Variants in AIDA observed in about 807,000 individuals in gnomAD.
The protein encoded by AIDA is axin interactor, dorsalization associated.
In AIDA, 18 loss-of-function variants were observed where a neutral mutation model predicts 42.7. That is an observed-to-expected ratio of 0.42 (90% confidence interval 0.29 to 0.63). AIDA has a LOEUF of 0.63. AIDA is among the 20% of genes least tolerant of loss of function. AIDA has a pLI of 0.19. For missense variants in AIDA, 250 were observed against 354.1 expected, an observed-to-expected ratio of 0.71 and a Z score of 2.36; for synonymous variants, 104 against 122.9, an observed-to-expected ratio of 0.85 and a Z score of 1.02.
chr1:222,672,261 GC>G (rs1384833048), intron 8 of AIDA, among the ~76,000 whole-genome samples: 3 of 152,040 alleles, frequency 2.0e-5, no homozygotes, highest in African/African-American at 7.2e-5. Context: ...AGAAAAGTTA[GC>G]CCATGAAACA....
chr1:222,680,775 T>C (rs1398599092), intron 6 of AIDA, among the ~76,000 whole-genome samples: 2 of 152,120 alleles, frequency 1.3e-5, no homozygotes, highest in Non-Finnish European at 2.9e-5. Context: ...AAGCTTTTTT[T>C]TTTTCTAAAG....
intron 1 of AIDA, among the ~76,000 whole-genome samples, chr1:222,706,079 C>G (rs906303075): frequency 6.6e-6 from 1 of 152,082 alleles, no homozygotes; most frequent in African/African-American, 2.4e-5. Context: ...AAAAGACACT[C>G]AACTTTATTA....
intron 2 of AIDA, among the ~76,000 whole-genome samples, chr1:222,699,609 C>G (rs1655626220): frequency 6.6e-6 from 1 of 152,004 alleles, no homozygotes; most frequent in East Asian, 1.9e-4. Context: ...TTTTCAGAAC[C>G]AATGTTCCCC....
chr1:222,696,271 T>C (rs989881126), intron 2 of AIDA, among the ~76,000 whole-genome samples: 1 of 152,242 alleles, frequency 6.6e-6, no homozygotes, highest in African/African-American at 2.4e-5. Flanking sequence ...CTTTTCTACG[T>C]AGAATCCAAT....
chr1:222,684,581 C>T (rs563883437), intron 6 of AIDA, among the ~76,000 whole-genome samples: 4 of 152,224 alleles, frequency 2.6e-5, no homozygotes, highest in African/African-American at 9.6e-5. Flanking sequence ...TTTAATAACA[C>T]AGGCCCTGAA....
rs76232264 is a variant in AIDA, at chr1:222,711,738, G to A, written c.110+470C>T. ...CGCAAACAGTTCCCTCCTTTCCTAC[G>A]CATGGAAGAAGGAAGACACACACAG... On this transcript the variant is annotated intron_variant, in intron 1 of 9. Transcript: ENST00000340020. 232 of 154,718 alleles carry A rather than the reference G, an allele frequency of 1.5e-3. 6 individuals are homozygous for A. The South Asian group carries it at 0.019, about 13-fold the overall frequency. 9.6% of individuals were successfully genotyped at this position (154,718 alleles called of 1,614,324 possible). A position where few individuals can be genotyped will look rare whatever the true frequency, so the allele number is the denominator to read the frequency against.
At chr1:222,684,847 T>C (rs1193417727) in intron 6 of AIDA, among the ~76,000 whole-genome samples, 1 of 152,192 alleles carries the variant, frequency 6.6e-6, no homozygotes, top group Non-Finnish European at 1.5e-5. Context: ...ACTTCATGAT[T>C]TACATCATCT....
At chr1:222,692,575 GC>G (rs1411700115) in intron 4 of AIDA, among the ~76,000 whole-genome samples, 3 of 152,128 alleles carry the variant, frequency 2.0e-5, no homozygotes, top group African/African-American at 7.2e-5. Flanking sequence ...AATTTGCCAT[GC>G]CCATATTACA....
At chr1:222,685,729 A>C (rs1337827006) in intron 6 of AIDA, among the ~76,000 whole-genome samples, 2 of 152,182 alleles carry the variant, frequency 1.3e-5, no homozygotes, top group African/African-American at 4.8e-5. Flanking sequence ...GAGGGAAGAT[A>C]CTCATGGAGA....
intron 2 of AIDA, 131 bp from the exon 3 acceptor site, chr1:222,694,394 T>C (rs1655459049): frequency 2.5e-6 from 2 of 791,310 alleles, no homozygotes; most frequent in African/African-American, 1.8e-5. Context: ...CTTTCTAGCA[T>C]CTTTCAGACT....
At position 222,680,966 on chromosome 1, in the gene AIDA, A is replaced by G. The variant is rs913731651; in HGVS notation, c.461-4748T>C. Among the ~76,000 whole-genome samples, 7 of 152,284 alleles carry G rather than the reference A, an allele frequency of 4.6e-5. No individual in the cohort carries two copies. The East Asian group carries it at 5.8e-4, about 13-fold the overall frequency. On this transcript the variant is annotated intron_variant, in intron 6 of 9. Transcript: ENST00000340020. ...AAAGGCTCTATTCCCAAACCGCGCA[A>G]TAAGTGGACACAAGAGATGACTTTT...
chr1:222,704,152 A>T (rs1461938531), intron 1 of AIDA, among the ~76,000 whole-genome samples: 1 of 152,174 alleles, frequency 6.6e-6, no homozygotes, highest in Non-Finnish European at 1.5e-5. Flanking sequence ...CTGCATCCTT[A>T]TGGGGGAAAG....
intron 2 of AIDA, among the ~76,000 whole-genome samples, chr1:222,701,697 GA>G (rs201712880): frequency 5.0e-4 from 75 of 151,200 alleles, no homozygotes; most frequent in Admixed American, 1.3e-3. Flanking sequence ...GAGCTACTAA[GA>G]AAAAAAAATA....
chr1:222,703,802 G>A (rs1002637087), intron 1 of AIDA, among the ~76,000 whole-genome samples: 1 of 152,090 alleles, frequency 6.6e-6, no homozygotes, highest in Non-Finnish European at 1.5e-5. Flanking sequence ...ATAACAGCTA[G>A]GCCTTGCATG....
At chr1:222,694,114 A>G (rs1435326981) in intron 3 of AIDA, 96 bp downstream of exon 3, 6 of 1,157,016 alleles carry the variant, frequency 5.2e-6, no homozygotes, top group Admixed American at 4.7e-5. Context: ...AACACTTCTG[A>G]GACAATACTG....
At chr1:222,687,752 C>T (rs1054305809) in intron 4 of AIDA, 94 bp from the exon 5 acceptor site, 3 of 955,436 alleles carry the variant, frequency 3.1e-6, no homozygotes, top group Non-Finnish European at 4.4e-6. Flanking sequence ...TTTTATTGTG[C>T]ATATTAATAT....
intron 4 of AIDA, among the ~76,000 whole-genome samples, chr1:222,689,821 C>A (rs1209864282): frequency 6.6e-6 from 1 of 151,842 alleles, no homozygotes; most frequent in Non-Finnish European, 1.5e-5. Flanking sequence ...CGGTAGTGTA[C>A]AATAATGTCC....
intron 1 of AIDA, among the ~76,000 whole-genome samples, chr1:222,707,736 A>G (rs1655882420): frequency 1.3e-5 from 2 of 152,334 alleles, no homozygotes; most frequent in East Asian, 3.9e-4. Flanking sequence ...TTAAGCACAT[A>G]CACAAGTAAC....
chr1:222,684,027 C>A (rs1467979961), intron 6 of AIDA, among the ~76,000 whole-genome samples: 2 of 151,914 alleles, frequency 1.3e-5, no homozygotes, highest in African/African-American at 4.8e-5. Context: ...TACATCATAC[C>A]CTCACACCTC....
Sources: gnomAD v4.1 joint callset for allele counts (sites outside exome capture counted in the v4.1 genomes callset) on GRCh38, gnomAD v4.1.1 for gene constraint, MANE v1.5 for transcripts, NCBI Gene and HGNC (gene_info 2026-07-23, HGNC 2026-07-21) for gene names.